CPNE8: variants seen among roughly 807,000 people sequenced by gnomAD.
CPNE8 encodes the protein copine-8.
A neutral mutation model predicts 81.5 loss-of-function variants in CPNE8; 45 were observed. The ratio of observed to expected loss-of-function variants is 0.55; its 90% CI spans 0.44 to 0.71. The LOEUF (loss-of-function observed/expected upper bound fraction) is 0.71. Among genes scored for constraint, CPNE8 ranks in the 30% least tolerant of loss-of-function variants. The pLI is 0.00. For missense variants in CPNE8, 594 were observed against 672.1 expected, an observed-to-expected ratio of 0.88 and a Z score of 1.28; for synonymous variants, 252 against 226.3, an observed-to-expected ratio of 1.11 and a Z score of -1.02.
chr12:38,675,258 G>A (rs1005738747), intron 18 of CPNE8, among the ~76,000 whole-genome samples: 2 of 152,064 alleles, frequency 1.3e-5, no homozygotes, highest in East Asian at 1.9e-4. Context: ...GCTAGAGCCC[G>A]AAAACCCATT....
intron 15 of CPNE8, among the ~76,000 whole-genome samples, chr12:38,691,817 C>T (rs902878732): frequency 4.6e-5 from 7 of 152,210 alleles, no homozygotes; most frequent in East Asian, 3.9e-4. Flanking sequence ...GAAGGCAGGG[C>T]GAGCTGAGTA....
chr12:38,868,306 G>A (rs368828640), intron 3 of CPNE8, among the ~76,000 whole-genome samples: 1 of 151,822 alleles, frequency 6.6e-6, no homozygotes, highest in South Asian at 2.1e-4. Flanking sequence ...AATAATATTG[G>A]TCAAATTGAT....
At chr12:38,699,628 T>C (rs1039455792) in intron 14 of CPNE8, among the ~76,000 whole-genome samples, 1 of 152,100 alleles carries the variant, frequency 6.6e-6, no homozygotes. Flanking sequence ...TGCATAGTGT[T>C]TCATTCTGTG....
At chr12:38,906,038 G>T (rs1233014732), upstream of CPNE8, 1 of 987,126 alleles carries the variant, frequency 1.0e-6, no homozygotes, top group African/African-American at 1.7e-5. Flanking sequence ...GGACGGGAAG[G>T]TCTCGAAGTT....
intron 11 of CPNE8, among the ~76,000 whole-genome samples, chr12:38,729,435 C>T (rs1206999424): frequency 6.6e-6 from 1 of 151,906 alleles, no homozygotes. Flanking sequence ...TCTGTCTCTC[C>T]CATTAGGTAC....
At chr12:38,869,567 C>A (rs1002957477) in intron 3 of CPNE8, among the ~76,000 whole-genome samples, 1 of 152,104 alleles carries the variant, frequency 6.6e-6, no homozygotes, top group African/African-American at 2.4e-5. Context: ...ATTTTTTGAT[C>A]CCTTTTCATT....
At chr12:38,891,648 T>C (rs1944316050) in intron 1 of CPNE8, among the ~76,000 whole-genome samples, 1 of 152,122 alleles carries the variant, frequency 6.6e-6, no homozygotes, top group African/African-American at 2.4e-5. Flanking sequence ...GGTTCCTCCA[T>C]GTTGGTCAGG....
At chr12:38,714,196 A>G (rs1940330567) in intron 13 of CPNE8, among the ~76,000 whole-genome samples, 1 of 152,122 alleles carries the variant, frequency 6.6e-6, no homozygotes, top group African/African-American at 2.4e-5. Context: ...AAAAGTGAAT[A>G]AACCCAGTTC....
rs530871333 is a variant in CPNE8 at position 38,860,255 on chromosome 12, A to G, written c.187-11593T>C. On this transcript the variant is annotated intron_variant, in intron 3 of 19. Coordinates refer to ENST00000331366, the MANE Select transcript of CPNE8 (RefSeq NM_153634.3). Reference sequence around the variant, plus strand: ...GGCAAAAAAAAAACCTTGAATAAACATTTCTCCAAAGAAGATACACAAATG... The same window carrying G: ...GGCAAAAAAAAAACCTTGAATAAACGTTTCTCCAAAGAAGATACACAAATG... Among the ~76,000 whole-genome samples the G allele has an allele frequency of 7.9e-5, 12 of 152,114 alleles. No individual in the cohort carries two copies. In the East Asian group the frequency reaches 2.1e-3, roughly 27 times the overall value.
In CPNE8 at chr12:38,879,013, T is replaced by TTGG. The variant is rs1292960425; in HGVS notation, c.99-4503_99-4502insCCA. 3.9e-5 allele frequency among the ~76,000 whole-genome samples: 6 copies of TTGG among 152,346 alleles called. No individual in the cohort carries two copies. In the East Asian group the frequency reaches 7.7e-4, roughly 20 times the overall value. On this transcript the variant is annotated intron_variant, in intron 1 of 19. Transcript: ENST00000331366. ...CAACAACAACAAAAGCCAGGTACAG[T>TTGG]AATTAGTTCTTATTCCAACTATTTT...
At chr12:38,787,327 G>A (rs961804622) in intron 6 of CPNE8, among the ~76,000 whole-genome samples, 18 of 151,754 alleles carry the variant, frequency 1.2e-4, no homozygotes, top group Non-Finnish European at 2.2e-4. Flanking sequence ...AGAAACACAT[G>A]AAAATTTAAA....
chr12:38,687,443 C>T (rs753998174), intron 15 of CPNE8, among the ~76,000 whole-genome samples: 2 of 143,582 alleles, frequency 1.4e-5, no homozygotes, highest in Non-Finnish European at 1.5e-5. Flanking sequence ...GTGTAATGGC[C>T]GGATCTCGGT....
intron 1 of CPNE8, among the ~76,000 whole-genome samples, chr12:38,886,595 T>C (rs1944240763): frequency 6.6e-6 from 1 of 152,168 alleles, no homozygotes; most frequent in Non-Finnish European, 1.5e-5. Flanking sequence ...ATGGGAATAG[T>C]TAAGCCCTGA....
chr12:38,841,659 T>A (rs898379225), intron 4 of CPNE8, among the ~76,000 whole-genome samples: 2 of 152,140 alleles, frequency 1.3e-5, no homozygotes, highest in Non-Finnish European at 2.9e-5. Context: ...GTAGGTGAAA[T>A]GATTTGCTTT....
chr12:38,795,683 GA>G (rs1942443645), intron 6 of CPNE8, among the ~76,000 whole-genome samples: 1 of 152,128 alleles, frequency 6.6e-6, no homozygotes, highest in South Asian at 2.1e-4. Context: ...TATAGAAAGA[GA>G]AAGTAGAATG....
intron 15 of CPNE8, among the ~76,000 whole-genome samples, chr12:38,690,083 GT>G (rs1939639901): frequency 6.6e-6 from 1 of 152,226 alleles, no homozygotes; most frequent in East Asian, 1.9e-4. Flanking sequence ...GGTAATTTAA[GT>G]TGTTAAGAAG....
At chr12:38,657,726 C>T (rs1333377602) in intron 19 of CPNE8, among the ~76,000 whole-genome samples, 2 of 152,162 alleles carry the variant, frequency 1.3e-5, no homozygotes, top group Non-Finnish European at 2.9e-5. Context: ...ATTTGCTGTT[C>T]TGCAGCCTCC....
At chr12:38,890,250 A>T (rs778292613) in intron 1 of CPNE8, among the ~76,000 whole-genome samples, 1 of 152,146 alleles carries the variant, frequency 6.6e-6, no homozygotes, top group Non-Finnish European at 1.5e-5. Context: ...ATCAGGGATG[A>T]CAACATTTTA....
At chr12:38,752,785 G>A (rs904570989) in intron 10 of CPNE8, among the ~76,000 whole-genome samples, 5 of 152,130 alleles carry the variant, frequency 3.3e-5, no homozygotes, top group Non-Finnish European at 5.9e-5. Flanking sequence ...TTCCAAATTT[G>A]ACTGATGACA....
Sources: gnomAD v4.1 joint callset for allele counts (sites outside exome capture counted in the v4.1 genomes callset) on GRCh38, gnomAD v4.1.1 for gene constraint, MANE v1.5 for transcripts, NCBI Gene and HGNC (gene_info 2026-07-23, HGNC 2026-07-21) for gene names.